Variants in DDX5 observed in about 807,000 individuals in gnomAD.
The protein encoded by DDX5 is probable ATP-dependent RNA helicase DDX5.
In DDX5, 6 loss-of-function variants were observed where a neutral mutation model predicts 68.6. The observed-to-expected ratio is 0.09, with a 90% CI of 0.05 to 0.17. The LOEUF is 0.17. Ranked by LOEUF, DDX5 falls within the 10% of genes least tolerant of loss-of-function variation. The pLI, the probability that DDX5 is intolerant of heterozygous loss-of-function variation, is 1.00. For missense variants in DDX5, 499 were observed against 756.1 expected (o/e 0.66, Z 3.99); for synonymous variants, 350 against 247.0 (o/e 1.42, Z -3.91).
intron 8 of DDX5, 30 bp from the exon 9 acceptor site, chr17:64,502,579 C>A: frequency 6.5e-7 from 1 of 1,530,880 alleles, no homozygotes; most frequent in Non-Finnish European, 9.0e-7. Flanking sequence ...AGGAAAAATC[C>A]TGAGTTTTAA....
intron 8 of DDX5, 119 bp downstream of exon 8, chr17:64,502,807 G>T: frequency 1.9e-6 from 2 of 1,040,280 alleles, no homozygotes; most frequent in Non-Finnish European, 2.7e-6. Context: ...AGGATTAGTA[G>T]GCTAACTAAA....
chr17:64,501,794 C>T (rs567061015), intron 11 of DDX5: 21 of 588,358 alleles, frequency 3.6e-5, no homozygotes, highest in Non-Finnish European at 6.0e-5. Flanking sequence ...AGCTTTTTCA[C>T]CTCTCTAATC....
At position 64,500,277 on chromosome 17, in the gene DDX5, G is replaced by A; in HGVS notation, c.1491C>T (p.Tyr497=). Residue 497 remains tyrosine (Y), a synonymous_variant, in exon 13 of 13, where the codon TAC becomes TAT. Coordinates refer to ENST00000225792, the MANE Select transcript of DDX5 (RefSeq NM_004396.5). ...TAAATCCACCCCTTTTGCCCGCAGA[G>A]TATCTGTCCCGACGGTCATCCTTCA... ...GGMKDDRRDR[Y]SAGKRGGFNT... The A allele has an allele frequency of 6.2e-7, 1 of 1,614,096 alleles. No individual in the cohort carries two copies. Among genetic ancestry groups the A allele is most frequent in the Non-Finnish European group, 8.5e-7 (1 of 1,179,990 alleles).
chr17:64,502,804 G>C (rs2038332910), intron 8 of DDX5, 122 bp downstream of exon 8: 1 of 1,016,732 alleles, frequency 9.8e-7, no homozygotes, highest in East Asian at 2.6e-5. Flanking sequence ...TTCAGGATTA[G>C]TAGGCTAACT....
chr17:64,499,970 C>T lies in DDX5; in HGVS notation c.1798G>A (p.Ala600Thr). The part of the protein sequence containing the change: ...QQAYAYPATA[A>T]APMIGYPMPT... ...ATTGGATAACCAATCATAGGTGCAG[C>T]TGCAGTAGCAGGATATGCATATGCC... The change falls in exon 13 of 13, where the codon GCT becomes ACT. Residue 600 changes from alanine (A) to threonine (T), a missense_variant. Physicochemically the swap from Ala to Thr is moderately conservative, Grantham distance 58. Transcript: ENST00000225792. 1 of 1,612,800 alleles carries T rather than the reference C, an allele frequency of 6.2e-7. No individual in the cohort carries two copies. Among genetic ancestry groups the T allele is most frequent in the Non-Finnish European group, 8.5e-7 (1 of 1,179,222 alleles).
upstream of DDX5, chr17:64,506,303 C>G (rs2038519663): frequency 6.6e-7 from 1 of 1,514,402 alleles, no homozygotes; most frequent in Non-Finnish European, 8.8e-7. Flanking sequence ...GGCCGCTTTC[C>G]GGCAGCCGCT....
rs782470159 is a variant in DDX5 at position 64,502,588 on chromosome 17, A to G, written c.984-39T>C. ...AGAGAAAGGAAAAATCCTGAGTTTT[A>G]AAAGACCATTGCTAGGGCCACACAT... On this transcript the variant is annotated intron_variant, in intron 8 of 12. Coordinates refer to ENST00000225792, the MANE Select transcript of DDX5 (RefSeq NM_004396.5). 1.1e-5 allele frequency: 16 copies of G among 1,437,130 alleles called. No individual in the cohort carries two copies. The African/African-American group carries it at 2.0e-4, about 18-fold the overall frequency. 89.0% of individuals were successfully genotyped at this position (1,437,130 alleles called of 1,614,324 possible).
chr17:64,504,387 G>A (rs917287692), intron 2 of DDX5, 69 bp from the exon 3 acceptor site: 42 of 1,326,364 alleles, frequency 3.2e-5, no homozygotes, highest in Middle Eastern at 1.8e-4. Flanking sequence ...TAATTGATAA[G>A]CCCCTAACTT....
chr17:64,506,757 G>A (rs929496133), upstream of DDX5: 15 of 497,986 alleles, frequency 3.0e-5, no homozygotes, highest in Admixed American at 7.1e-5. Flanking sequence ...TAGCTCACCG[G>A]AAGTGCGCTG....
Position 64,506,149 on chromosome 17 carries a change from G to A in DDX5, c.-30C>T. ...TCAATGGTTGCGGTTGGCGGGGAAC[G>A]AAGTATATAGAAAAGCGTGCGACAA... On this transcript the variant is annotated 5_prime_UTR_variant, in exon 1 of 13. Coordinates refer to ENST00000225792, the MANE Select transcript of DDX5 (RefSeq NM_004396.5). 4 of 1,606,768 alleles carry A rather than the reference G, an allele frequency of 2.5e-6. No homozygotes were observed. The highest frequency in any genetic ancestry group is 1.6e-4 in the Middle Eastern group (1 of 6,062).
rs139875330 is a variant in DDX5 at position 64,501,780 on chromosome 17, G to A, written c.1216+230C>T. On this transcript the variant is annotated intron_variant, in intron 11 of 12. Transcript: ENST00000225792. The stretch of plus-strand genomic sequence containing the variant: ...TGCCTTTTGAAGATTACTGGCACAC[G>A]TTCAGCTTTTTCACCTCTCTAATCG... The A allele has an allele frequency of 1.1e-3, 638 of 581,888 alleles. 1 individual carries two copies. Among genetic ancestry groups the A allele is most frequent in the African/African-American group, 0.011 (564 of 53,650 alleles). The allele number at this position is 581,888 out of a possible 1,614,324, so 36.0% of individuals were successfully genotyped here.
rs1482272412 is a variant in DDX5, at chr17:64,504,609, G to A, written c.210+68C>T. On this transcript the variant is annotated intron_variant, in intron 2 of 12. Coordinates refer to ENST00000225792, the MANE Select transcript of DDX5 (RefSeq NM_004396.5). Reference sequence around the variant, plus strand: ...AAATTGAGTTATTTGCAAAACACCTGTCAGAATTTCATTTACTAGAATCCA... The same window carrying A: ...AAATTGAGTTATTTGCAAAACACCTATCAGAATTTCATTTACTAGAATCCA... 13 of 1,509,310 alleles carry A rather than the reference G, an allele frequency of 8.6e-6. No homozygotes were observed. In the East Asian group the frequency reaches 2.0e-4, roughly 24 times the overall value. 93.5% of individuals were successfully genotyped at this position (1,509,310 alleles called of 1,614,324 possible). A position where few individuals can be genotyped will look rare whatever the true frequency, so the allele number is the denominator to read the frequency against.
In DDX5 at chr17:64,499,795, A is replaced by C. The variant is rs2038249245; in HGVS notation, c.*128T>G. The C allele has an allele frequency of 1.2e-6, 1 of 843,254 alleles. No homozygotes were observed. Among genetic ancestry groups the C allele is most frequent in the South Asian group, 2.9e-5 (1 of 35,086 alleles). The allele number at this position is 843,254 out of a possible 1,614,324, so 52.2% of individuals were successfully genotyped here. Reference sequence around the variant, plus strand: ...TCCAACTTAAATAGCGAAAAAGTGCACCATAATTACTGCTGCACTGCAGTC... The same window carrying C: ...TCCAACTTAAATAGCGAAAAAGTGCCCCATAATTACTGCTGCACTGCAGTC... On this transcript the variant is annotated 3_prime_UTR_variant, in exon 13 of 13. Coordinates refer to ENST00000225792, the MANE Select transcript of DDX5 (RefSeq NM_004396.5).
upstream of DDX5, chr17:64,506,694 G>A (rs2038546030): frequency 2.5e-6 from 1 of 393,682 alleles, no homozygotes; most frequent in African/African-American, 2.1e-5. Context: ...ACCACCGAGA[G>A]AGCGGTCCGC....
upstream of DDX5, chr17:64,506,687 A>G: frequency 2.6e-6 from 1 of 383,274 alleles, no homozygotes; most frequent in Non-Finnish European, 4.8e-6. Context: ...ACCCCGGACC[A>G]CCGAGAGAGC....
chr17:64,500,133 A>G lies in DDX5; in HGVS notation c.1635T>C (p.Phe545=), dbSNP rs782123305. Residue 545 remains phenylalanine, a synonymous_variant, in exon 13 of 13, where the codon TTT becomes TTC. Coordinates refer to ENST00000225792, the MANE Select transcript of DDX5 (RefSeq NM_004396.5). ...YSAANYTNGS[F]GSNFVSAGIQ... is the part of the protein sequence containing the mutation. ...TACCAGCAGACACAAAATTACTTCC[A>G]AAGCTCCCATTGGTGTAATTTGCAG... 27 of 1,614,098 alleles carry G rather than the reference A, an allele frequency of 1.7e-5. No homozygotes were observed. The East Asian group carries it at 4.7e-4, about 28-fold the overall frequency.
In DDX5 at chr17:64,504,124, T is replaced by C. The variant is rs782630964; in HGVS notation, c.308-8A>G. The C allele has an allele frequency of 1.2e-6, 2 of 1,613,878 alleles. No individual in the cohort carries two copies. Among genetic ancestry groups the C allele is most frequent in the African/African-American group, 1.3e-5 (1 of 74,910 alleles). On this transcript the variant is annotated splice_region_variant and splice_polypyrimidine_tract_variant and intron_variant, in intron 3 of 12. Coordinates refer to ENST00000225792, the MANE Select transcript of DDX5 (RefSeq NM_004396.5). ...TAACATCCATGACATTTGCTATAAT[T>C]AGTAACAGATATTTAGTAAAAATTA...
At chr17:64,502,693 A>T (rs933886468) in intron 8 of DDX5, 144 bp from the exon 9 acceptor site, 14 of 727,742 alleles carry the variant, frequency 1.9e-5, no homozygotes, top group Non-Finnish European at 3.1e-5. Flanking sequence ...CTTATCGAGC[A>T]GTTCGACCCT....
At position 64,499,001 on chromosome 17, in the gene DDX5, G is replaced by T. The variant is rs1442952898; in HGVS notation, c.*922C>A. ...CCTGAATTATTGGAAAGACATTCATGACTCCCAGTGTGACTAGTTAAGAGC... is the reference window on the plus strand; with the variant it reads ...CCTGAATTATTGGAAAGACATTCATTACTCCCAGTGTGACTAGTTAAGAGC... On this transcript the variant is annotated 3_prime_UTR_variant, in exon 13 of 13. Coordinates refer to ENST00000225792, the MANE Select transcript of DDX5 (RefSeq NM_004396.5). Among the ~76,000 whole-genome samples, 1 of 152,198 alleles carries T rather than the reference G, an allele frequency of 6.6e-6. No individual in the cohort carries two copies. Among genetic ancestry groups the T allele is most frequent in the African/African-American group, 2.4e-5 (1 of 41,448 alleles).
Sources: gnomAD v4.1 joint callset for allele counts (sites outside exome capture counted in the v4.1 genomes callset) on GRCh38, gnomAD v4.1.1 for gene constraint, MANE v1.5 for transcripts, NCBI Gene and HGNC (gene_info 2026-07-23, HGNC 2026-07-21) for gene names.